ZNF469: variants seen among roughly 807,000 people sequenced by gnomAD.
ZNF469 encodes the protein zinc finger protein 469.
Under a neutral mutation model 1.0 loss-of-function variants are expected in ZNF469, and 1 was observed. The ratio of observed to expected loss-of-function variants is 1.00; its 90% CI spans 0.35 to 4.73. The LOEUF is 4.73. Ranked by LOEUF, ZNF469 falls within the 30% of genes most tolerant of loss-of-function variation. ZNF469 has a pLI of 0.16. For synonymous variants in ZNF469, 2,703 were observed against 2,363.4 expected (o/e 1.14, Z -4.17); for missense variants, 6,100 against 5,356.3 (o/e 1.14, Z -4.33).
chr16:88,431,465 C>T lies in ZNF469; in HGVS notation c.3995C>T (p.Ala1332Val), dbSNP rs1169965752. The T allele has an allele frequency of 6.5e-7, 1 of 1,550,296 alleles. No individual in the cohort carries two copies. The part of the protein sequence containing the change: ...RQPGEFLAPV[A>V]NPSSTACPKP... Reference sequence around the variant, plus strand: ...CCTGGAGAATTTCTGGCACCCGTGGCTAACCCCTCAAGTACCGCCTGCCCC... The same window carrying T: ...CCTGGAGAATTTCTGGCACCCGTGGTTAACCCCTCAAGTACCGCCTGCCCC... Residue 1332 changes from alanine to valine, a missense_variant, in exon 3 of 3, where the codon GCT (alanine) becomes GTT (valine). Ala to Val is a moderately conservative substitution (Grantham distance 64). Coordinates refer to ENST00000565624, the MANE Select transcript of ZNF469 (RefSeq NM_001367624.2).
chr16:88,132,972 C>T, the ZNF469 span, among the ~76,000 whole-genome samples: 1 of 152,248 alleles, frequency 6.6e-6, no homozygotes, highest in African/African-American at 2.4e-5. Flanking sequence ...CGTGCCACTC[C>T]AGGTAGGCAC....
At chr16:88,170,063 G>A in the ZNF469 span, among the ~76,000 whole-genome samples, 1 of 152,208 alleles carries the variant, frequency 6.6e-6, no homozygotes, top group Non-Finnish European at 1.5e-5. This position sits in a 1 kb window ranked among gnomAD's most constrained non-coding sequence, Gnocchi z 4.2. Context: ...CCCGCTTGTG[G>A]CTGCTGACTT....
rs1306993289 is a variant in ZNF469 at position 88,429,453 on chromosome 16, C to T, written c.1983C>T (p.Tyr661=). ...CCCCCCACTCCCTCCCCACCCACTACCAGCCAGAGCCAGCCAAGGCCTTCC... is the reference window on the plus strand; with the variant it reads ...CCCCCCACTCCCTCCCCACCCACTATCAGCCAGAGCCAGCCAAGGCCTTCC... ...PEPPHSLPTH[Y]QPEPAKAFPF... Residue 661 remains tyrosine, a synonymous_variant, in exon 3 of 3, where the codon TAC becomes TAT. Coordinates refer to ENST00000565624, the MANE Select transcript of ZNF469 (RefSeq NM_001367624.2). 2.4e-6 allele frequency: 3 copies of T among 1,254,966 alleles called. No individual in the cohort carries two copies. The East Asian group carries it at 1.0e-4, about 42-fold the overall frequency. 77.7% of individuals were successfully genotyped at this position (1,254,966 alleles called of 1,614,324 possible).
the ZNF469 span, among the ~76,000 whole-genome samples, chr16:88,187,715 ATTTT>A: frequency 3.6e-5 from 5 of 140,192 alleles, no homozygotes; most frequent in Non-Finnish European, 4.6e-5. Flanking sequence ...GATTGCCTGC[ATTTT>A]TTTTTTTTTT....
At chr16:88,246,621 C>T in the ZNF469 span, among the ~76,000 whole-genome samples, 1 of 152,196 alleles carries the variant, frequency 6.6e-6, no homozygotes, top group Non-Finnish European at 1.5e-5. Flanking sequence ...CAAAGTGAAG[C>T]CCAGGAATTT....
chr16:88,405,825 G>T (rs1157273770), intron 1 of ZNF469, among the ~76,000 whole-genome samples: 1 of 152,176 alleles, frequency 6.6e-6, no homozygotes, highest in Non-Finnish European at 1.5e-5. Flanking sequence ...GGCCAGAAAC[G>T]CCTCCAGCCC....
chr16:88,422,731 T>G (rs1427819732), intron 1 of ZNF469, among the ~76,000 whole-genome samples: 1 of 127,910 alleles, frequency 7.8e-6, no homozygotes, highest in African/African-American at 3.2e-5. Flanking sequence ...GGATGGATAA[T>G]GATGATGGAT....
At chr16:88,280,327 A>G in the ZNF469 span, among the ~76,000 whole-genome samples, 2 of 151,758 alleles carry the variant, frequency 1.3e-5, no homozygotes, top group South Asian at 2.1e-4. Flanking sequence ...GTGCACAGTT[A>G]GTGCTGCGCT....
chr16:88,316,978 C>T, the ZNF469 span, among the ~76,000 whole-genome samples: 1 of 152,220 alleles, frequency 6.6e-6, no homozygotes, highest in Non-Finnish European at 1.5e-5. Flanking sequence ...CCCAGAACAC[C>T]TGACCTCGGC....
chr16:88,421,263 G>T (rs946200692), intron 1 of ZNF469, among the ~76,000 whole-genome samples: 1 of 152,210 alleles, frequency 6.6e-6, no homozygotes, highest in Non-Finnish European at 1.5e-5. Flanking sequence ...TTACCAGAGC[G>T]CTTGGCCGGC....
Position 88,428,701 on chromosome 16 carries a change from T to C in ZNF469, c.1231T>C (p.Tyr411His), listed in dbSNP as rs1905886417. 6.5e-7 allele frequency: 1 copy of C among 1,548,958 alleles called. No homozygotes were observed. Among genetic ancestry groups the C allele is most frequent in the African/African-American group, 1.4e-5 (1 of 72,978 alleles). Reference protein sequence around the residue: ...LPQRHFPGQAYRASGVDTSPG... With the variant: ...LPQRHFPGQAHRASGVDTSPG... ...CCAGAGGCACTTTCCAGGGCAGGCG[T>C]ACAGAGCCAGTGGGGTGGACACCAG... Residue 411 changes from tyrosine (Y) to histidine (H), a missense_variant, in exon 3 of 3, where the codon TAC (tyrosine) becomes CAC (histidine). By Grantham distance (83) the Tyr-to-His change is moderately conservative. Coordinates refer to ENST00000565624, the MANE Select transcript of ZNF469 (RefSeq NM_001367624.2).
At chr16:88,163,033 C>T in the ZNF469 span, among the ~76,000 whole-genome samples, 13 of 146,476 alleles carry the variant, frequency 8.9e-5, no homozygotes, top group Non-Finnish European at 2.0e-4. Flanking sequence ...TGATGGGTGG[C>T]TGGATGAATG....
the ZNF469 span, among the ~76,000 whole-genome samples, chr16:88,157,356 A>T: frequency 6.6e-6 from 1 of 152,180 alleles, no homozygotes; most frequent in Admixed American, 6.5e-5. Flanking sequence ...CACCACAGGG[A>T]GGCCTGGGCT....
the ZNF469 span, among the ~76,000 whole-genome samples, chr16:88,366,991 C>T: frequency 6.6e-6 from 1 of 152,044 alleles, no homozygotes; most frequent in African/African-American, 2.4e-5. Flanking sequence ...CTGACACCTC[C>T]ATCCTCATTA....
the ZNF469 span, among the ~76,000 whole-genome samples, chr16:88,195,939 CA>C: frequency 6.6e-6 from 1 of 152,198 alleles, no homozygotes; most frequent in Non-Finnish European, 1.5e-5. Flanking sequence ...CACTTGCTCC[CA>C]AGATGATTAA....
the ZNF469 span, among the ~76,000 whole-genome samples, chr16:88,208,292 T>C: frequency 1.3e-5 from 2 of 151,316 alleles, no homozygotes; most frequent in Non-Finnish European, 2.9e-5. Context: ...TGTTGCGTGC[T>C]GCAATCTGGC....
At chr16:88,423,763 G>C (rs946942327) in intron 1 of ZNF469, among the ~76,000 whole-genome samples, 9 of 152,200 alleles carry the variant, frequency 5.9e-5, no homozygotes, top group South Asian at 2.1e-4. Context: ...CCTCTCCACG[G>C]GGCTGCTTGA....
chr16:88,300,056 C>T, the ZNF469 span, among the ~76,000 whole-genome samples: 123 of 152,296 alleles, frequency 8.1e-4, 1 homozygote, highest in Non-Finnish European at 2.1e-4. Flanking sequence ...GAGGAAGGAA[C>T]GGGAGAAGGG....
intron 1 of ZNF469, among the ~76,000 whole-genome samples, chr16:88,390,782 G>A (rs1904472525): frequency 6.6e-6 from 1 of 152,232 alleles, no homozygotes; most frequent in Non-Finnish European, 1.5e-5. Context: ...TTTGAACGGT[G>A]ACTGGGAGTT....
Sources: gnomAD v4.1 joint callset for allele counts (sites outside exome capture counted in the v4.1 genomes callset) on GRCh38, gnomAD v4.1.1 for gene constraint, Gnocchi (gnomAD v3.1) non-coding constraint, MANE v1.5 for transcripts, NCBI Gene and HGNC (gene_info 2026-07-23, HGNC 2026-07-21) for gene names.